The following CEP112 variants were observed in gnomAD, a reference collection of about 807,000 sequenced individuals.
The protein encoded by CEP112 is centrosomal protein of 112 kDa.
CEP112 carries 127 observed loss-of-function variants against 153.0 expected under a neutral mutation model. The observed-to-expected ratio is 0.83, with a 90% CI of 0.72 to 0.96. The LOEUF is 0.96. Ranked by LOEUF, CEP112 falls within the 40% of genes least tolerant of loss-of-function variation. The pLI is 0.00. For missense variants in CEP112, 1,089 were observed against 1,101.2 expected, an observed-to-expected ratio of 0.99 and a Z score of 0.16; for synonymous variants, 358 against 374.4, an observed-to-expected ratio of 0.96 and a Z score of 0.51.
At chr17:65,654,056 C>CAAAAAAAAAAAAAAAA (rs773433478) in intron 24 of CEP112, among the ~76,000 whole-genome samples, 9 of 26,878 alleles carry the variant, frequency 3.3e-4, no homozygotes, top group African/African-American at 1.1e-3. Flanking sequence ...AAGACTCCAT[C>CAAAAAAAAAAAAAAAA]AAAAAAAAAA....
rs143833822 is a variant in CEP112 at position 65,817,397 on chromosome 17, G to C, written c.2394+34407C>G. Among the ~76,000 whole-genome samples the C allele has an allele frequency of 9.4e-3, 1,425 of 151,858 alleles. 6 individuals carry two copies. Among genetic ancestry groups the C allele is most frequent in the Middle Eastern group, 0.02 (6 of 294 alleles). On this transcript the variant is annotated intron_variant, in intron 21 of 26. Coordinates refer to ENST00000535342, the MANE Select transcript of CEP112 (RefSeq NM_001199165.4). ...CTGAAACAACCAATAGCTATTTAAC[G>C]GAGAAAGATTACAAAATCATTTCCT...
chr17:65,897,936 G>A (rs1226194540), intron 20 of CEP112, among the ~76,000 whole-genome samples: 1 of 151,794 alleles, frequency 6.6e-6, no homozygotes, highest in Non-Finnish European at 1.5e-5. Flanking sequence ...TATGATTTTT[G>A]TCATTACATA....
chr17:65,857,217 T>G (rs888863231), intron 20 of CEP112, among the ~76,000 whole-genome samples: 1 of 152,128 alleles, frequency 6.6e-6, no homozygotes, highest in African/African-American at 2.4e-5. Flanking sequence ...GACAGAAACT[T>G]TAAAACCATG....
rs151094244 is a variant in CEP112, at chr17:65,927,689, T to C, written c.1873A>G (p.Met625Val). Residue 625 changes from methionine (M) to valine (V), a missense_variant and splice_region_variant, in exon 19 of 27, where the codon ATG (methionine) becomes GTG (valine). Met to Val is a conservative substitution (Grantham distance 21). Coordinates refer to ENST00000535342, the MANE Select transcript of CEP112 (RefSeq NM_001199165.4). Reference sequence around the variant, plus strand: ...GTTAGATCTGCCTCCACTTTTTCCATCTATAAAATTTAAAAATCAAATATT... The same window carrying C: ...GTTAGATCTGCCTCCACTTTTTCCACCTATAAAATTTAAAAATCAAATATT... The part of the protein sequence containing the change: ...EKVYAEMKEQ[M>V]EKVEADLTRS... The C allele has an allele frequency of 6.6e-7, 1 of 1,521,438 alleles. No homozygotes were observed. The highest frequency in any genetic ancestry group is 8.8e-7 in the Non-Finnish European group (1 of 1,135,552). 94.2% of individuals were successfully genotyped at this position (1,521,438 alleles called of 1,614,324 possible). A position where few individuals can be genotyped will look rare whatever the true frequency, so the allele number is the denominator to read the frequency against.
intron 20 of CEP112, among the ~76,000 whole-genome samples, chr17:65,853,318 G>T (rs1477198643): frequency 2.6e-5 from 4 of 151,990 alleles, no homozygotes; most frequent in African/African-American, 9.6e-5. Flanking sequence ...AGATGGATTT[G>T]TTCTCTCTGG....
chr17:66,063,908 C>T (rs1334252977), intron 10 of CEP112, among the ~76,000 whole-genome samples: 1 of 152,144 alleles, frequency 6.6e-6, no homozygotes, highest in Non-Finnish European at 1.5e-5. Context: ...ATATGATCAT[C>T]TATCTACATA....
chr17:65,912,288 T>C (rs9916702), intron 19 of CEP112, among the ~76,000 whole-genome samples: 26,459 of 152,112 alleles, frequency 0.17, 2,487 homozygotes, highest in Admixed American at 0.28. Flanking sequence ...AGAGTAATCG[T>C]GTCTACCTTC....
At chr17:65,937,560 G>A (rs1422485275) in intron 18 of CEP112, among the ~76,000 whole-genome samples, 52 of 102,246 alleles carry the variant, frequency 5.1e-4, no homozygotes, top group Middle Eastern at 8.9e-3. Flanking sequence ...CCGTCCGGGA[G>A]GGAGGTGGGG....
intron 6 of CEP112, 93 bp from the exon 7 acceptor site, chr17:66,096,725 A>G (rs2068362553): frequency 6.4e-6 from 5 of 782,714 alleles, no homozygotes; most frequent in Non-Finnish European, 2.1e-6. Context: ...TGCCATATGA[A>G]ACATTTTCTA....
chr17:66,179,328 T>A (rs1481532701), intron 2 of CEP112, among the ~76,000 whole-genome samples: 1 of 152,146 alleles, frequency 6.6e-6, no homozygotes, highest in Non-Finnish European at 1.5e-5. Context: ...TCCATGAACA[T>A]AGGGTATCTT....
At chr17:65,744,054 T>G (rs1314532192) in intron 22 of CEP112, among the ~76,000 whole-genome samples, 1 of 152,024 alleles carries the variant, frequency 6.6e-6, no homozygotes, top group Non-Finnish European at 1.5e-5. Context: ...TGAGCCACTG[T>G]GCCCGGCCTG....
chr17:66,124,152 C>G (rs1421576793), intron 6 of CEP112, among the ~76,000 whole-genome samples: 1 of 152,136 alleles, frequency 6.6e-6, no homozygotes, highest in African/African-American at 2.4e-5. Flanking sequence ...TTCTATGAGG[C>G]TATGATTTGG....
chr17:66,083,536 TTA>T lies in CEP112; in HGVS notation c.768+12713_768+12714del, dbSNP rs1215752678. 4.6e-5 allele frequency among the ~76,000 whole-genome samples: 7 copies of T among 152,300 alleles called. No individual in the cohort carries two copies. The East Asian group carries it at 1.3e-3, about 29-fold the overall frequency. Reference sequence around the variant, plus strand: ...ATAAGTATTTCAAACTCCTAAATTTTTATTTTATACCATTAAGAACTGACTAA... The same window carrying T: ...ATAAGTATTTCAAACTCCTAAATTTTTTTTATACCATTAAGAACTGACTAA... On this transcript the variant is annotated intron_variant, in intron 8 of 26. Coordinates refer to ENST00000535342, the MANE Select transcript of CEP112 (RefSeq NM_001199165.4).
chr17:65,934,679 C>T (rs1040272970), intron 18 of CEP112, among the ~76,000 whole-genome samples: 2 of 151,902 alleles, frequency 1.3e-5, no homozygotes, highest in East Asian at 1.9e-4. Context: ...AGACTAAAAG[C>T]GAAGGGATAG....
At chr17:65,787,427 G>A (rs181166335) in intron 21 of CEP112, among the ~76,000 whole-genome samples, 2 of 152,294 alleles carry the variant, frequency 1.3e-5, no homozygotes, top group Admixed American at 1.3e-4. Context: ...AGGCTGCAGT[G>A]AGCTATAATC....
At position 66,025,920 on chromosome 17, in the gene CEP112, T is replaced by TACACACACACACACACACACACACACAC. The variant is rs759825168; in HGVS notation, c.1656+1553_1656+1580dup. On this transcript the variant is annotated intron_variant, in intron 16 of 26. Coordinates refer to ENST00000535342, the MANE Select transcript of CEP112 (RefSeq NM_001199165.4). Reference sequence around the variant, plus strand: ...ATGACTGGATAAAGAAAATGTGGCATACACACACACACACACACACACACA... The same window carrying TACACACACACACACACACACACACACAC: ...ATGACTGGATAAAGAAAATGTGGCATACACACACACACACACACACACACACACACACACACACACACACACACACACA... Among the ~76,000 whole-genome samples the TACACACACACACACACACACACACACAC allele has an allele frequency of 8.6e-4, 107 of 124,586 alleles. 1 individual carries two copies. Among genetic ancestry groups the TACACACACACACACACACACACACACAC allele is most frequent in the Admixed American group, 4.7e-3 (55 of 11,792 alleles). The allele number at this position is 124,586 out of a possible 152,430, so 81.7% of individuals were successfully genotyped here. A position where few individuals can be genotyped will look rare whatever the true frequency, so the allele number is the denominator to read the frequency against.
intron 6 of CEP112, among the ~76,000 whole-genome samples, chr17:66,119,852 G>C (rs2069488757): frequency 6.6e-6 from 1 of 152,072 alleles, no homozygotes; most frequent in African/African-American, 2.4e-5. Context: ...CAAGAGGTGA[G>C]GGTTCCAGTT....
intron 20 of CEP112, among the ~76,000 whole-genome samples, chr17:65,876,517 G>C (rs2058831237): frequency 6.6e-6 from 1 of 152,050 alleles, no homozygotes; most frequent in Non-Finnish European, 1.5e-5. Flanking sequence ...CTTCTGTTCT[G>C]AAATGTAGCA....
intron 24 of CEP112, among the ~76,000 whole-genome samples, chr17:65,686,976 G>A (rs2047830004): frequency 6.6e-6 from 1 of 151,790 alleles, no homozygotes; most frequent in Non-Finnish European, 1.5e-5. Context: ...TGTGATCTTG[G>A]ATCTACTGCT....
Sources: allele counts gnomAD v4.1 joint callset (sites outside exome capture counted in the v4.1 genomes callset), GRCh38; gene constraint gnomAD v4.1.1; transcripts MANE v1.5; gene names NCBI Gene and HGNC (gene_info 2026-07-23, HGNC 2026-07-21).